The following NPLOC4 variants were observed in gnomAD, a reference collection of about 807,000 sequenced individuals.
NPLOC4 encodes nuclear protein localization protein 4 homolog.
NPLOC4 carries 18 observed loss-of-function variants against 80.6 expected under a neutral mutation model. The observed-to-expected ratio is 0.22, with a 90% CI of 0.15 to 0.33. The LOEUF is 0.33. Ranked by LOEUF, NPLOC4 falls within the 10% of genes least tolerant of loss-of-function variation. NPLOC4 has a pLI of 1.00. For missense variants in NPLOC4, 540 were observed against 786.1 expected (o/e 0.69, Z 3.74); for synonymous variants, 313 against 301.5 (o/e 1.04, Z -0.39).
chr17:81,616,947 A>C, intron 3 of NPLOC4, among the ~76,000 whole-genome samples: 1 of 152,234 alleles, frequency 6.6e-6, no homozygotes, highest in Non-Finnish European at 1.5e-5. Context: ...TGGAAGTGGC[A>C]GGCACCAAAG....
rs2033751525 is a variant in NPLOC4, at chr17:81,559,020, C to T, written c.*239G>A. 5 of 513,558 alleles carry T rather than the reference C, an allele frequency of 9.7e-6. No individual in the cohort carries two copies. Among genetic ancestry groups the T allele is most frequent in the Non-Finnish European group, 1.7e-5 (5 of 288,814 alleles). The allele number at this position is 513,558 out of a possible 1,614,324, so 31.8% of individuals were successfully genotyped here. ...GTCAACAGGATTAGGCGTGAGGAGCCGCTCTGCGTTTCCAGTCTGGAGACT... is the reference window on the plus strand; with the variant it reads ...GTCAACAGGATTAGGCGTGAGGAGCTGCTCTGCGTTTCCAGTCTGGAGACT... On this transcript the variant is annotated 3_prime_UTR_variant, in exon 17 of 17. Transcript: ENST00000331134.
chr17:81,582,179 C>G (rs1471309601), intron 12 of NPLOC4, among the ~76,000 whole-genome samples: 1 of 152,202 alleles, frequency 6.6e-6, no homozygotes, highest in Non-Finnish European at 1.5e-5. Context: ...CAAGCTGAGG[C>G]CCAGCGGTTG....
rs879506504 is a variant in NPLOC4 at position 81,631,454 on chromosome 17, T to C, written c.16-1649A>G. ...TATATATATTTTTTTTTTTTTTTTT[T>C]TTTTTTTTCCCCCACGGCAAGCCTA... On this transcript the variant is annotated intron_variant, in intron 1 of 16. Transcript: ENST00000331134. Among the ~76,000 whole-genome samples the C allele has an allele frequency of 4.8e-5, 4 of 82,922 alleles. No homozygotes were observed. In the Admixed American group the frequency reaches 5.3e-4, roughly 11 times the overall value. The allele number at this position is 82,922 out of a possible 152,430, so 54.4% of individuals were successfully genotyped here.
intron 1 of NPLOC4, 70 bp downstream of exon 1, chr17:81,636,846 C>T (rs1170582976): frequency 3.7e-6 from 5 of 1,344,086 alleles, no homozygotes; most frequent in Non-Finnish European, 3.8e-6. Context: ...CCGCCTCCCC[C>T]ACAGGCCGAG....
At chr17:81,631,642 GCAAA>G (rs2035934209) in intron 1 of NPLOC4, among the ~76,000 whole-genome samples, 2 of 151,946 alleles carry the variant, frequency 1.3e-5, no homozygotes, top group African/African-American at 2.4e-5. Flanking sequence ...ATGCTCTGCA[GCAAA>G]CAAAGACCTG....
chr17:81,566,115 C>T (rs958009880), intron 15 of NPLOC4, among the ~76,000 whole-genome samples: 1 of 152,180 alleles, frequency 6.6e-6, no homozygotes, highest in Non-Finnish European at 1.5e-5. Flanking sequence ...AGACAGATCA[C>T]GAGGTCAGGA....
intron 3 of NPLOC4, among the ~76,000 whole-genome samples, chr17:81,619,423 C>A (rs911889474): frequency 6.6e-6 from 1 of 151,606 alleles, no homozygotes; most frequent in Non-Finnish European, 1.5e-5. Flanking sequence ...GTGGCACATG[C>A]CTGTAATCCC....
intron 5 of NPLOC4, among the ~76,000 whole-genome samples, chr17:81,609,767 C>T (rs1345017532): frequency 1.3e-5 from 2 of 152,194 alleles, no homozygotes; most frequent in African/African-American, 4.8e-5. Context: ...TCGGGCTGGC[C>T]TTCCTGCTGT....
intron 9 of NPLOC4, among the ~76,000 whole-genome samples, chr17:81,598,319 C>T (rs562159037): frequency 1.9e-4 from 29 of 152,206 alleles, no homozygotes; most frequent in Admixed American, 1.2e-3. Context: ...GATGAGTTTC[C>T]TCAGCACCAG....
rs984981494 is a variant in NPLOC4, at chr17:81,557,963, A to T, written c.*1296T>A. ...GGGTCACGTGGGCTTACCCCCCAGG[A>T]TGGACACAGAAGTCCCTAAGCAGTC... On this transcript the variant is annotated 3_prime_UTR_variant, in exon 17 of 17. Coordinates refer to ENST00000331134, the MANE Select transcript of NPLOC4 (RefSeq NM_017921.4). 9 of 152,832 alleles carry T rather than the reference A, an allele frequency of 5.9e-5. No homozygotes were observed. The East Asian group carries it at 1.7e-3, about 29-fold the overall frequency. 9.5% of individuals were successfully genotyped at this position (152,832 alleles called of 1,614,324 possible). A position where few individuals can be genotyped will look rare whatever the true frequency, so the allele number is the denominator to read the frequency against.
At chr17:81,561,069 T>C (rs980695734) in intron 16 of NPLOC4, among the ~76,000 whole-genome samples, 3 of 152,146 alleles carry the variant, frequency 2.0e-5, no homozygotes, top group African/African-American at 7.2e-5. Flanking sequence ...GCGATTCTCC[T>C]ACCTCAGCCT....
intron 7 of NPLOC4, 86 bp from the exon 8 acceptor site, chr17:81,604,813 T>C: frequency 1.6e-6 from 2 of 1,238,238 alleles, no homozygotes; most frequent in South Asian, 2.9e-5. Context: ...TTCATAAATA[T>C]CTTTTACCTA....
intron 2 of NPLOC4, among the ~76,000 whole-genome samples, chr17:81,623,079 A>G (rs934529496): frequency 1.2e-4 from 18 of 151,906 alleles, no homozygotes; most frequent in African/African-American, 3.6e-4. Context: ...CTGTAATCCC[A>G]GCTACCCGTG....
chr17:81,604,851 G>T, intron 7 of NPLOC4, 124 bp from the exon 8 acceptor site: 1 of 854,544 alleles, frequency 1.2e-6, no homozygotes, highest in Non-Finnish European at 1.8e-6. Flanking sequence ...CCAATAGGGT[G>T]TGATGGTGCA....
At chr17:81,631,436 ATTTTTTTTTTTTTTTT>A (rs70938164) in intron 1 of NPLOC4, among the ~76,000 whole-genome samples, 1 of 117,070 alleles carries the variant, frequency 8.5e-6, no homozygotes, top group African/African-American at 3.1e-5. Context: ...ATATATATAT[ATTTTTTTTTTTTTTTT>A]TTTTTTTTTT....
chr17:81,618,691 C>T lies in NPLOC4; in HGVS notation c.209+3475G>A, dbSNP rs1414594474. Among the ~76,000 whole-genome samples the T allele has an allele frequency of 1.2e-4, 18 of 151,824 alleles. 1 individual carries two copies. In the East Asian group the frequency reaches 3.4e-3, roughly 28 times the overall value. Reference sequence around the variant, plus strand: ...GAGCCCCTCTGCCCGGCCACCACCCCGTCTGGGAGGTGTACCCAACAGCTC... The same window carrying T: ...GAGCCCCTCTGCCCGGCCACCACCCTGTCTGGGAGGTGTACCCAACAGCTC... On this transcript the variant is annotated intron_variant, in intron 3 of 16. Transcript: ENST00000331134.
rs1022258707 is a variant in NPLOC4 at position 81,637,086 on chromosome 17, C to T, written c.-156G>A. Reference sequence around the variant, plus strand: ...TTCGCCCGCCCGGCTCCGCCAGCCGCCGACGTCCCGGTGCCTCGCTCAATA... The same window carrying T: ...TTCGCCCGCCCGGCTCCGCCAGCCGTCGACGTCCCGGTGCCTCGCTCAATA... On this transcript the variant is annotated 5_prime_UTR_variant, in exon 1 of 17. Transcript: ENST00000331134. The T allele has an allele frequency of 6.5e-5, 24 of 369,562 alleles. No individual in the cohort carries two copies. Among genetic ancestry groups the T allele is most frequent in the African/African-American group, 4.9e-4 (23 of 47,038 alleles). The allele number at this position is 369,562 out of a possible 1,614,324, so 22.9% of individuals were successfully genotyped here. A position where few individuals can be genotyped will look rare whatever the true frequency, so the allele number is the denominator to read the frequency against.
At chr17:81,571,381 G>A (rs2034156970) in intron 13 of NPLOC4, among the ~76,000 whole-genome samples, 1 of 152,182 alleles carries the variant, frequency 6.6e-6, no homozygotes, top group Non-Finnish European at 1.5e-5. Flanking sequence ...ATGTCTCCAT[G>A]ACCATAAAAT....
At chr17:81,619,473 C>T (rs1291967148) in intron 3 of NPLOC4, among the ~76,000 whole-genome samples, 5 of 146,092 alleles carry the variant, frequency 3.4e-5, no homozygotes, top group East Asian at 2.2e-4. Context: ...CGCTTGAACC[C>T]GGGGGGGCAG....
Sources: allele counts gnomAD v4.1 joint callset (sites outside exome capture counted in the v4.1 genomes callset), GRCh38; gene constraint gnomAD v4.1.1; transcripts MANE v1.5; gene names NCBI Gene and HGNC (gene_info 2026-07-23, HGNC 2026-07-21).